The following DERA variants were observed in gnomAD, a reference collection of about 807,000 sequenced individuals.
DERA encodes deoxyribose-phosphate aldolase, also known as 2-deoxy-D-ribose 5-phosphate aldolase.
A neutral mutation model predicts 41.1 loss-of-function variants in DERA; 15 were observed. The observed-to-expected ratio is 0.37, with a 90% CI of 0.24 to 0.56. The LOEUF (loss-of-function observed/expected upper bound fraction) is 0.56. Among genes scored for constraint, DERA ranks in the 20% least tolerant of loss-of-function variants. The pLI is 0.81. For missense variants in DERA, 396 were observed against 403.4 expected (o/e 0.98, Z 0.16); for synonymous variants, 139 against 137.4 (o/e 1.01, Z -0.08).
rs548106482 is a variant in DERA at position 15,940,477 on chromosome 12, G to T, written c.32-16459G>T. On this transcript the variant is annotated intron_variant, in intron 1 of 8. Coordinates refer to ENST00000428559, the MANE Select transcript of DERA (RefSeq NM_015954.4). This position sits in a 1 kb window ranked among gnomAD's most constrained non-coding sequence, Gnocchi z 5.1. ...AACGATTCTTCTGCCTCAGCCTCTC[G>T]AGTAGCTGGGACTACAGGCGCATGC... 4.3e-4 allele frequency among the ~76,000 whole-genome samples: 66 copies of T among 152,014 alleles called. No individual in the cohort carries two copies. Among genetic ancestry groups the T allele is most frequent in the Non-Finnish European group, 9.3e-4 (63 of 67,976 alleles).
intron 5 of DERA, 95 bp downstream of exon 5, chr12:15,963,042 C>T (rs1355758123): frequency 7.6e-6 from 11 of 1,449,186 alleles, no homozygotes; most frequent in Non-Finnish European, 9.2e-6. Context: ...GGTCACTGTT[C>T]TAGGTGACAA....
At chr12:15,944,732 A>C (rs1379983488) in intron 1 of DERA, among the ~76,000 whole-genome samples, 1 of 152,122 alleles carries the variant, frequency 6.6e-6, no homozygotes, top group East Asian at 1.9e-4. Flanking sequence ...TCTTTAGTTT[A>C]ATTAGATCCC....
At position 16,017,691 on chromosome 12, in the gene DERA, T is replaced by G. The variant is rs1026341974; in HGVS notation, c.638-14851T>G. Among the ~76,000 whole-genome samples the G allele has an allele frequency of 3.9e-5, 6 of 152,218 alleles. No homozygotes were observed. Among genetic ancestry groups the G allele is most frequent in the African/African-American group, 1.4e-4 (6 of 41,468 alleles). ...CTTTTAATTTGAGGGCTTATATCTT[T>G]GCATACCCTGCTTAATTTTTTTCCA... is the stretch of plus-strand genomic sequence containing the variant. On this transcript the variant is annotated intron_variant, in intron 6 of 8. Coordinates refer to ENST00000428559, the MANE Select transcript of DERA (RefSeq NM_015954.4). The surrounding 1 kb of genome is among the most constrained non-coding windows in gnomAD (Gnocchi z 5.5).
At chr12:15,961,007 G>T (rs1458379948) in intron 4 of DERA, among the ~76,000 whole-genome samples, 1 of 152,224 alleles carries the variant, frequency 6.6e-6, no homozygotes, top group Non-Finnish European at 1.5e-5. Context: ...TGCCATGTGG[G>T]GGCATTTGGC....
intron 6 of DERA, 66 bp from the exon 7 acceptor site, chr12:16,032,476 C>T: frequency 2.3e-6 from 2 of 884,866 alleles, no homozygotes; most frequent in Admixed American, 3.4e-5. Context: ...TCATTTCTCC[C>T]ACTGACTCAA....
In DERA at chr12:16,019,376, C is replaced by T. The variant is rs1288690158; in HGVS notation, c.638-13166C>T. ...TTTCTCAACACATCCAATACAGACA[C>T]TAAATTTAGCATCTTAAAACACTGA... is the stretch of plus-strand genomic sequence containing the variant. On this transcript the variant is annotated intron_variant, in intron 6 of 8. Coordinates refer to ENST00000428559, the MANE Select transcript of DERA (RefSeq NM_015954.4). This position sits in a 1 kb window ranked among gnomAD's most constrained non-coding sequence, Gnocchi z 4.4. Among the ~76,000 whole-genome samples the T allele has an allele frequency of 6.6e-6, 1 of 152,168 alleles. No individual in the cohort carries two copies. The highest frequency in any genetic ancestry group is 2.4e-5 in the African/African-American group (1 of 41,444).
chr12:15,943,466 A>G lies in DERA; in HGVS notation c.32-13470A>G, dbSNP rs1291860455. Among the ~76,000 whole-genome samples the G allele has an allele frequency of 2.0e-5, 3 of 152,146 alleles. No individual in the cohort carries two copies. The highest frequency in any genetic ancestry group is 7.2e-5 in the African/African-American group (3 of 41,440). On this transcript the variant is annotated intron_variant, in intron 1 of 8. Transcript: ENST00000428559. The surrounding 1 kb of genome is among the most constrained non-coding windows in gnomAD (Gnocchi z 4.5). ...TTCAGCCCTTGCTGAAAATTCTCTA[A>G]AAGACTTCCCATCTCACATGGGAAA...
intron 4 of DERA, 144 bp from the exon 5 acceptor site, chr12:15,962,667 GGT>G (rs1948595800): frequency 1.7e-6 from 1 of 603,606 alleles, no homozygotes; most frequent in Admixed American, 3.1e-5. Context: ...TCAGTGCATT[GGT>G]CTTTAAATGC....
At chr12:15,914,794 G>C (rs1165060186) in intron 1 of DERA, among the ~76,000 whole-genome samples, 1 of 151,620 alleles carries the variant, frequency 6.6e-6, no homozygotes, top group Non-Finnish European at 1.5e-5. Flanking sequence ...ATTTTTTTTC[G>C]AGACAGAGTC....
At position 15,922,235 on chromosome 12, in the gene DERA, CTG is replaced by C. The variant is rs1948249775; in HGVS notation, c.31+10824_31+10825del. Among the ~76,000 whole-genome samples, 1 of 152,282 alleles carries C rather than the reference CTG, an allele frequency of 6.6e-6. No individual in the cohort carries two copies. The highest frequency in any genetic ancestry group is 6.5e-5 in the Admixed American group (1 of 15,302). ...CCTTATTCTTGTCAAGGAAAGCAAA[CTG>C]TGGCCATCATCAGGATATGCACTTG... On this transcript the variant is annotated intron_variant, in intron 1 of 8. Coordinates refer to ENST00000428559, the MANE Select transcript of DERA (RefSeq NM_015954.4). This position sits in a 1 kb window ranked among gnomAD's most constrained non-coding sequence, Gnocchi z 4.9.
At position 15,959,051 on chromosome 12, in the gene DERA, A is replaced by G. The variant is rs961075998; in HGVS notation, c.277+716A>G. ...TATGCTTCATGGCCCCCGAGTGCCT[A>G]TCTGCTGTGAGTGCAACTGGAGACG... On this transcript the variant is annotated intron_variant, in intron 3 of 8. Coordinates refer to ENST00000428559, the MANE Select transcript of DERA (RefSeq NM_015954.4). The surrounding 1 kb of genome is among the most constrained non-coding windows in gnomAD (Gnocchi z 4.5). 1.3e-5 allele frequency among the ~76,000 whole-genome samples: 2 copies of G among 152,072 alleles called. No homozygotes were observed. The highest frequency in any genetic ancestry group is 2.9e-5 in the Non-Finnish European group (2 of 67,996).
At chr12:15,975,857 C>T (rs2136158095) in intron 5 of DERA, among the ~76,000 whole-genome samples, 1 of 152,296 alleles carries the variant, frequency 6.6e-6, no homozygotes, top group Non-Finnish European at 1.5e-5. Flanking sequence ...TTGTCTGCTC[C>T]AGCTTTGGAA....
rs913864899 is a variant in DERA at position 16,013,425 on chromosome 12, G to T, written c.638-19117G>T. Among the ~76,000 whole-genome samples, 17 of 152,086 alleles carry T rather than the reference G, an allele frequency of 1.1e-4. No individual in the cohort carries two copies. Among genetic ancestry groups the T allele is most frequent in the Admixed American group, 2.6e-4 (4 of 15,262 alleles). ...GAGTGAGTTCTTAGGAGATCTGATG[G>T]TTTTATAAGGAGTTCTCCTACCTTT... is the stretch of plus-strand genomic sequence containing the variant. On this transcript the variant is annotated intron_variant, in intron 6 of 8. Transcript: ENST00000428559. The surrounding 1 kb of genome is among the most constrained non-coding windows in gnomAD (Gnocchi z 5.8).
chr12:16,016,496 C>T (rs1443904386), intron 6 of DERA, among the ~76,000 whole-genome samples: 1 of 152,034 alleles, frequency 6.6e-6, no homozygotes, highest in Non-Finnish European at 1.5e-5. Context: ...CAAAACCTTA[C>T]AGTTGTTTGA....
chr12:15,932,974 T>C (rs984093520), intron 1 of DERA, among the ~76,000 whole-genome samples: 2 of 152,246 alleles, frequency 1.3e-5, no homozygotes, highest in Admixed American at 6.5e-5. Flanking sequence ...TCCAGGATTA[T>C]CTGTATTGTT....
chr12:15,945,179 G>C (rs1948437814), intron 1 of DERA, among the ~76,000 whole-genome samples: 1 of 152,154 alleles, frequency 6.6e-6, no homozygotes, highest in Non-Finnish European at 1.5e-5. Context: ...CTCCAGCTTT[G>C]TTCTTTTGGC....
chr12:15,912,745 C>G lies in DERA; in HGVS notation c.31+1331C>G, dbSNP rs985710829. On this transcript the variant is annotated intron_variant, in intron 1 of 8. Transcript: ENST00000428559. ...GGCTGTAAATTATATGTAACACATA[C>G]AGGTAGGTCCTTTTCGCCCTCCTTA... Among the ~76,000 whole-genome samples, 8 of 152,192 alleles carry G rather than the reference C, an allele frequency of 5.3e-5. No individual in the cohort carries two copies. The East Asian group carries it at 1.5e-3, about 29-fold the overall frequency.
intron 1 of DERA, among the ~76,000 whole-genome samples, chr12:15,945,601 G>A (rs1455436590): frequency 6.6e-6 from 1 of 152,162 alleles, no homozygotes; most frequent in African/African-American, 2.4e-5. Context: ...TGCTGAAGTT[G>A]CTTATCAGCT....
Position 15,943,807 on chromosome 12 carries a change from C to T in DERA, c.32-13129C>T, listed in dbSNP as rs1243658223. 6.7e-6 allele frequency among the ~76,000 whole-genome samples: 1 copy of T among 150,302 alleles called. No homozygotes were observed. The highest frequency in any genetic ancestry group is 1.5e-5 in the Non-Finnish European group (1 of 67,718). On this transcript the variant is annotated intron_variant, in intron 1 of 8. Coordinates refer to ENST00000428559, the MANE Select transcript of DERA (RefSeq NM_015954.4). The surrounding 1 kb of genome is among the most constrained non-coding windows in gnomAD (Gnocchi z 4.5). Reference sequence around the variant, plus strand: ...GGTTTGTTACATGTGTATACATGTGCCATGTTGGTGTGCTGTAGCCATTAA... The same window carrying T: ...GGTTTGTTACATGTGTATACATGTGTCATGTTGGTGTGCTGTAGCCATTAA...
Sources: gnomAD v4.1 joint callset for allele counts (sites outside exome capture counted in the v4.1 genomes callset) on GRCh38, gnomAD v4.1.1 for gene constraint, Gnocchi (gnomAD v3.1) non-coding constraint, MANE v1.5 for transcripts, NCBI Gene and HGNC (gene_info 2026-07-23, HGNC 2026-07-21) for gene names.